Variants in AGBL4 observed in about 807,000 individuals in gnomAD.
AGBL4 encodes the protein cytosolic carboxypeptidase 6.
A neutral mutation model predicts 66.4 loss-of-function variants in AGBL4; 58 were observed. That is an observed-to-expected ratio of 0.87 (90% confidence interval 0.71 to 1.09). The LOEUF (loss-of-function observed/expected upper bound fraction) is 1.09. Among genes scored for constraint, AGBL4 ranks in the 50% least tolerant of loss-of-function variants. The pLI, the probability that AGBL4 is intolerant of heterozygous loss-of-function variation, is 0.00. For synonymous variants in AGBL4, 234 were observed against 222.9 expected (o/e 1.05, Z -0.44); for missense variants, 579 against 631.0 (o/e 0.92, Z 0.88).
At chr1:48,993,780 CA>C (rs1322270008) in intron 5 of AGBL4, among the ~76,000 whole-genome samples, 2 of 152,110 alleles carry the variant, frequency 1.3e-5, no homozygotes, top group African/African-American at 2.4e-5. Context: ...TATGACACAG[CA>C]GCACTGAGTT....
chr1:48,721,198 C>T (rs1044854648), intron 6 of AGBL4, among the ~76,000 whole-genome samples: 1 of 152,040 alleles, frequency 6.6e-6, no homozygotes, highest in Non-Finnish European at 1.5e-5. Flanking sequence ...ACTCTTTTCC[C>T]AGAGGTGGGA....
At chr1:49,434,408 T>C (rs1203170640) in intron 3 of AGBL4, among the ~76,000 whole-genome samples, 1 of 152,148 alleles carries the variant, frequency 6.6e-6, no homozygotes, top group Non-Finnish European at 1.5e-5. Context: ...TAGTAAATAT[T>C]ATACTTTTGT....
rs559778982 is a variant in AGBL4 at position 49,805,792 on chromosome 1, G to A, written c.157+45604C>T. ...CTCAGAGAGCTGCCTTACTCCTTTC[G>A]CTAAGTGAGGACACAGCGAGAAGGC... On this transcript the variant is annotated intron_variant, in intron 2 of 13. Coordinates refer to ENST00000371839, the MANE Select transcript of AGBL4 (RefSeq NM_032785.4). Among the ~76,000 whole-genome samples the A allele has an allele frequency of 5.9e-5, 9 of 152,228 alleles. No homozygotes were observed. The South Asian group carries it at 1.2e-3, about 21-fold the overall frequency.
chr1:49,028,529 A>G (rs1287927498), intron 5 of AGBL4, among the ~76,000 whole-genome samples: 2 of 152,202 alleles, frequency 1.3e-5, no homozygotes, highest in Non-Finnish European at 2.9e-5. Flanking sequence ...TCATAGTCAA[A>G]ATGATGAAAG....
At chr1:49,408,706 T>C (rs1327582705) in intron 3 of AGBL4, among the ~76,000 whole-genome samples, 1 of 152,210 alleles carries the variant, frequency 6.6e-6, no homozygotes, top group Non-Finnish European at 1.5e-5. Flanking sequence ...TTTGGACTCT[T>C]GAAATTACAC....
intron 6 of AGBL4, among the ~76,000 whole-genome samples, chr1:48,682,365 G>A (rs771930205): frequency 4.6e-5 from 7 of 151,968 alleles, no homozygotes; most frequent in South Asian, 4.1e-4. Flanking sequence ...TTTTCTCATC[G>A]GTAAAAGAGG....
chr1:49,638,967 C>T (rs748865038), intron 3 of AGBL4, among the ~76,000 whole-genome samples: 5 of 152,014 alleles, frequency 3.3e-5, no homozygotes, highest in African/African-American at 4.8e-5. Context: ...AGTGTAAGGT[C>T]GAGTAAGTTC....
At chr1:49,933,391 C>T (rs1653565142) in intron 1 of AGBL4, among the ~76,000 whole-genome samples, 1 of 151,708 alleles carries the variant, frequency 6.6e-6, no homozygotes, top group South Asian at 2.1e-4. Context: ...TCCTGTCTTA[C>T]AAAAAATGCT....
At chr1:49,165,001 T>C (rs1230379586) in intron 4 of AGBL4, among the ~76,000 whole-genome samples, 1 of 152,144 alleles carries the variant, frequency 6.6e-6, no homozygotes, top group Non-Finnish European at 1.5e-5. Context: ...TTTCCATAAA[T>C]AATCAGTAGG....
intron 6 of AGBL4, among the ~76,000 whole-genome samples, chr1:48,675,389 AG>A (rs1368310299): frequency 1.3e-5 from 2 of 152,224 alleles, no homozygotes; most frequent in African/African-American, 2.4e-5. Flanking sequence ...TGTTTTTTTA[AG>A]AAGTTGAAGG....
chr1:49,971,906 G>GGTTTTTTGTTTTTTTTTTTTTTTTTT (rs1557630016), intron 1 of AGBL4, among the ~76,000 whole-genome samples: 1 of 43,442 alleles, frequency 2.3e-5, no homozygotes, highest in African/African-American at 7.3e-5. Context: ...GGTTTTTTTG[G>GGTTTTTTGTTTTTTTTTTTTTTTTTT]GTTTTTTTTT....
In AGBL4 at chr1:49,735,297, GT is replaced by G. The variant is rs1571434537; in HGVS notation, c.158-37861del. On this transcript the variant is annotated intron_variant, in intron 2 of 13. Transcript: ENST00000371839. ...AAAACAAAGAGGTAGAGGTGTGTGGGTGTGTGTGTGTGTGTGTGTGTGTGTG... is the reference window on the plus strand; with the variant it reads ...AAAACAAAGAGGTAGAGGTGTGTGGGGTGTGTGTGTGTGTGTGTGTGTGTG... Among the ~76,000 whole-genome samples, 191 of 26,122 alleles carry G rather than the reference GT, an allele frequency of 7.3e-3. 1 individual carries two copies. The highest frequency in any genetic ancestry group is 0.064 in the East Asian group (20 of 312). 17.1% of individuals were successfully genotyped at this position (26,122 alleles called of 152,430 possible). A position where few individuals can be genotyped will look rare whatever the true frequency, so the allele number is the denominator to read the frequency against.
At chr1:49,379,240 T>C (rs1226166438) in intron 3 of AGBL4, among the ~76,000 whole-genome samples, 1 of 152,156 alleles carries the variant, frequency 6.6e-6, no homozygotes, top group Non-Finnish European at 1.5e-5. Context: ...CCCCACTTTG[T>C]AATTTTCTTT....
At chr1:49,941,331 A>T (rs1193775283) in intron 1 of AGBL4, among the ~76,000 whole-genome samples, 2 of 152,124 alleles carry the variant, frequency 1.3e-5, no homozygotes. Flanking sequence ...TCATTTTACA[A>T]ACCTATTTTC....
chr1:49,691,604 A>G (rs906360426), intron 3 of AGBL4: 1 of 152,228 alleles, frequency 6.6e-6, no homozygotes, highest in African/African-American at 2.4e-5. Context: ...GGTAGTTGTG[A>G]TGGTTAATAC....
chr1:49,753,821 T>G (rs561762376), intron 2 of AGBL4, among the ~76,000 whole-genome samples: 13 of 152,346 alleles, frequency 8.5e-5, no homozygotes, highest in Admixed American at 5.9e-4. Flanking sequence ...ATTAAGTTGA[T>G]CTTCAGTCTC....
intron 3 of AGBL4, among the ~76,000 whole-genome samples, chr1:49,572,522 A>G (rs1215520455): frequency 6.6e-6 from 1 of 152,018 alleles, no homozygotes. Flanking sequence ...CATTTCACTG[A>G]TTTTAAAATT....
intron 1 of AGBL4, among the ~76,000 whole-genome samples, chr1:49,916,114 T>C (rs1246935928): frequency 6.6e-6 from 1 of 152,032 alleles, no homozygotes; most frequent in Non-Finnish European, 1.5e-5. Context: ...CAAAGGTAGA[T>C]AAAACCACAA....
chr1:48,798,327 A>AT (rs1444568044), intron 6 of AGBL4, among the ~76,000 whole-genome samples: 4 of 151,298 alleles, frequency 2.6e-5, no homozygotes, highest in Non-Finnish European at 5.9e-5. Context: ...TGGGATTATT[A>AT]TTTTTTTTCT....
Sources: allele counts gnomAD v4.1 joint callset (sites outside exome capture counted in the v4.1 genomes callset), GRCh38; gene constraint gnomAD v4.1.1; transcripts MANE v1.5; gene names NCBI Gene and HGNC (gene_info 2026-07-23, HGNC 2026-07-21).